The following ABCG1 variants were observed in gnomAD, a reference collection of about 807,000 sequenced individuals.
ABCG1 encodes ATP-binding cassette sub-family G member 1.
Under a neutral mutation model 69.2 loss-of-function variants are expected in ABCG1, and 29 were observed. The observed-to-expected ratio is 0.42, with a 90% CI of 0.31 to 0.57. ABCG1 has a LOEUF of 0.57. ABCG1 is among the 20% of genes least tolerant of loss of function. The pLI, the probability that ABCG1 is intolerant of heterozygous loss-of-function variation, is 0.15. For synonymous variants in ABCG1, 370 were observed against 374.8 expected, an observed-to-expected ratio of 0.99 and a Z score of 0.15; for missense variants, 718 against 898.1, an observed-to-expected ratio of 0.80 and a Z score of 2.56.
intron 2 of ABCG1, among the ~76,000 whole-genome samples, chr21:42,251,338 G>A (rs572872506): frequency 3.3e-4 from 51 of 152,328 alleles, no homozygotes; most frequent in African/African-American, 1.1e-3. Flanking sequence ...CTCCCCAGCA[G>A]CACCAGGTGG....
chr21:42,275,584 T>C (rs891488465), intron 4 of ABCG1, among the ~76,000 whole-genome samples: 2 of 152,224 alleles, frequency 1.3e-5, no homozygotes, highest in African/African-American at 4.8e-5. Context: ...GTGAACCCCA[T>C]GGCCACATGC....
intron 6 of ABCG1, among the ~76,000 whole-genome samples, chr21:42,283,584 G>T (rs547001893): frequency 6.6e-6 from 1 of 152,340 alleles, no homozygotes; most frequent in South Asian, 2.1e-4. Context: ...GAGGTGGGGA[G>T]TGGGGGTGGT....
Position 42,273,185 on chromosome 21 carries a change from G to C in ABCG1, c.405-118G>C, listed in dbSNP as rs2068646867. The stretch of plus-strand genomic sequence containing the variant: ...CCCCTCGGGGTCCCCGTGGCCAGTG[G>C]TTCAGCTGGGAAGATGCTGGGAGGC... On this transcript the variant is annotated intron_variant, in intron 3 of 14. Transcript: ENST00000398449. The surrounding 1 kb of genome is among the most constrained non-coding windows in gnomAD (Gnocchi z 5.3). The C allele has an allele frequency of 9.1e-6, 13 of 1,432,218 alleles. No homozygotes were observed. The South Asian group carries it at 1.6e-4, about 18-fold the overall frequency. The allele number at this position is 1,432,218 out of a possible 1,614,324, so 88.7% of individuals were successfully genotyped here.
At chr21:42,292,950 GACACTAC>G (rs1351025988) in intron 13 of ABCG1, among the ~76,000 whole-genome samples, 16 of 43,616 alleles carry the variant, frequency 3.7e-4, no homozygotes, top group Non-Finnish European at 5.7e-4. Context: ...AAACACATAC[GACACTAC>G]ACACTACACA....
chr21:42,218,094 T>TG (rs898697350), upstream of ABCG1, among the ~76,000 whole-genome samples: 4 of 152,170 alleles, frequency 2.6e-5, no homozygotes, highest in African/African-American at 7.2e-5. Flanking sequence ...GACCTGTGGG[T>TG]GTGAAGTCCA....
Position 42,288,327 on chromosome 21 carries a change from A to C in ABCG1, c.1224+15A>C. 6.5e-7 allele frequency: 1 copy of C among 1,548,880 alleles called. No homozygotes were observed. Among genetic ancestry groups the C allele is most frequent in the Non-Finnish European group, 8.9e-7 (1 of 1,121,726 alleles). ...TGAGGGACTCGGTAAGGCTGCCCGC[A>C]TCTTCTCCTGTAGCTGGGGAACCCG... is the stretch of plus-strand genomic sequence containing the variant. On this transcript the variant is annotated intron_variant, in intron 10 of 14. Coordinates refer to ENST00000398449, the MANE Select transcript of ABCG1 (RefSeq NM_016818.3). This position sits in a 1 kb window ranked among gnomAD's most constrained non-coding sequence, Gnocchi z 4.8.
intron 2 of ABCG1, chr21:42,256,320 G>T (rs1398237321): frequency 2.6e-6 from 4 of 1,549,308 alleles, no homozygotes; most frequent in Non-Finnish European, 3.5e-6. Flanking sequence ...TCTACAGAGG[G>T]TGGGCCCTCT....
rs2067686363 is a variant in ABCG1 at position 42,219,511 on chromosome 21, G to C, written c.42+207G>C. On this transcript the variant is annotated intron_variant, in intron 1 of 14. Coordinates refer to ENST00000398449, the MANE Select transcript of ABCG1 (RefSeq NM_016818.3). The surrounding 1 kb of genome is among the most constrained non-coding windows in gnomAD (Gnocchi z 5.3). ...CACCTGGAGCCTCGGGATGCCCCTTGCACCGGCAGAGAGCACGGACTAGGT... is the reference window on the plus strand; with the variant it reads ...CACCTGGAGCCTCGGGATGCCCCTTCCACCGGCAGAGAGCACGGACTAGGT... Among the ~76,000 whole-genome samples the C allele has an allele frequency of 6.6e-6, 1 of 152,190 alleles. No homozygotes were observed. Among genetic ancestry groups the C allele is most frequent in the Admixed American group, 6.5e-5 (1 of 15,288 alleles).
In ABCG1 at chr21:42,287,821, T is replaced by C. The variant is rs1046712138; in HGVS notation, c.974-68T>C. 6 of 1,471,958 alleles carry C rather than the reference T, an allele frequency of 4.1e-6. No homozygotes were observed. In the African/African-American group the frequency reaches 8.5e-5, roughly 21 times the overall value. 91.2% of individuals were successfully genotyped at this position (1,471,958 alleles called of 1,614,324 possible). On this transcript the variant is annotated intron_variant, in intron 8 of 14. Coordinates refer to ENST00000398449, the MANE Select transcript of ABCG1 (RefSeq NM_016818.3). This position sits in a 1 kb window ranked among gnomAD's most constrained non-coding sequence, Gnocchi z 6.2. The stretch of plus-strand genomic sequence containing the variant: ...AAAACATTCCCACTTGAATAACGAC[T>C]TTCGCATTTGGGTGGTTGGGGTGTC...
At position 42,276,654 on chromosome 21, in the gene ABCG1, A is replaced by G; in HGVS notation, c.538-241A>G. ...CATGGTGGCTAGTTGCACCGTGGCT[A>G]GTGGCCTTATGCCTAGCTGCACTGT... On this transcript the variant is annotated intron_variant, in intron 4 of 14. Coordinates refer to ENST00000398449, the MANE Select transcript of ABCG1 (RefSeq NM_016818.3). This position sits in a 1 kb window ranked among gnomAD's most constrained non-coding sequence, Gnocchi z 5.3. 1 of 468,530 alleles carries G rather than the reference A, an allele frequency of 2.1e-6. No individual in the cohort carries two copies. The highest frequency in any genetic ancestry group is 3.8e-6 in the Non-Finnish European group (1 of 261,780). 29.0% of individuals were successfully genotyped at this position (468,530 alleles called of 1,614,324 possible).
At chr21:42,265,310 G>A (rs748158313) in intron 2 of ABCG1, among the ~76,000 whole-genome samples, 2 of 152,180 alleles carry the variant, frequency 1.3e-5, no homozygotes, top group Admixed American at 6.5e-5. Flanking sequence ...TAGATATGTT[G>A]AAGTTCTAAC....
intron 5 of ABCG1, among the ~76,000 whole-genome samples, chr21:42,278,714 C>T (rs1322810096): frequency 3.3e-5 from 5 of 152,138 alleles, no homozygotes; most frequent in Non-Finnish European, 7.3e-5. Flanking sequence ...CAGCAGTGAA[C>T]GTAACAAACG....
chr21:42,287,947 T>C lies in ABCG1; in HGVS notation c.1032T>C (p.Val344=). Residue 344 remains valine (V), a synonymous_variant, in exon 9 of 15, where the codon GTT becomes GTC. Coordinates refer to ENST00000398449, the MANE Select transcript of ABCG1 (RefSeq NM_016818.3). This position sits in a 1 kb window ranked among gnomAD's most constrained non-coding sequence, Gnocchi z 6.2. ...GDQNSRLVRA[V]REGMCDSDHK... ...AGAACAGTCGGCTGGTGAGAGCGGT[T>C]CGGGAGGGCATGTGTGACTCAGACC... The C allele has an allele frequency of 6.2e-7, 1 of 1,613,460 alleles. No homozygotes were observed. The highest frequency in any genetic ancestry group is 8.5e-7 in the Non-Finnish European group (1 of 1,179,648).
intron 4 of ABCG1, among the ~76,000 whole-genome samples, chr21:42,274,333 G>A (rs1222948776): frequency 6.6e-6 from 1 of 152,122 alleles, no homozygotes; most frequent in Non-Finnish European, 1.5e-5. Context: ...CCAGTATTTG[G>A]GGAAGTTTAA....
chr21:42,282,674 C>T (rs377293590), intron 6 of ABCG1, among the ~76,000 whole-genome samples: 4 of 152,350 alleles, frequency 2.6e-5, no homozygotes, highest in Middle Eastern at 3.4e-3. Flanking sequence ...CGTCCTTTCA[C>T]GATGCATATC....
At chr21:42,261,131 G>A (rs1266287314) in intron 2 of ABCG1, among the ~76,000 whole-genome samples, 2 of 152,054 alleles carry the variant, frequency 1.3e-5, no homozygotes, top group South Asian at 2.1e-4. Flanking sequence ...CCTCTCTCCC[G>A]TTTTCTACCC....
At chr21:42,286,440 C>A (rs2068941090) in intron 8 of ABCG1, among the ~76,000 whole-genome samples, 1 of 152,188 alleles carries the variant, frequency 6.6e-6, no homozygotes, top group African/African-American at 2.4e-5. Context: ...CATGCAATTC[C>A]CAGGACTCCG....
intron 3 of ABCG1, among the ~76,000 whole-genome samples, chr21:42,272,565 G>C (rs549739048): frequency 1.3e-5 from 2 of 152,372 alleles, no homozygotes; most frequent in Admixed American, 1.3e-4. Context: ...GGGCTAGAGA[G>C]ACTGGATCCT....
upstream of ABCG1, among the ~76,000 whole-genome samples, chr21:42,213,819 T>C (rs937879790): frequency 1.3e-5 from 2 of 152,254 alleles, no homozygotes; most frequent in Non-Finnish European, 2.9e-5. Context: ...TGGATGGAAG[T>C]GTCTGCCCTG....
Sources: gnomAD v4.1 joint callset for allele counts (sites outside exome capture counted in the v4.1 genomes callset) on GRCh38, gnomAD v4.1.1 for gene constraint, Gnocchi (gnomAD v3.1) non-coding constraint, MANE v1.5 for transcripts, NCBI Gene and HGNC (gene_info 2026-07-23, HGNC 2026-07-21) for gene names.